The following ZNF417 variants were observed in gnomAD, a reference collection of about 807,000 sequenced individuals.
ZNF417 encodes zinc finger protein 417.
A neutral mutation model predicts 7.4 loss-of-function variants in ZNF417; 5 were observed. The ratio of observed to expected loss-of-function variants is 0.68; its 90% CI spans 0.35 to 1.43. ZNF417 has a LOEUF of 1.43. Among genes scored for constraint, ZNF417 ranks in the 40% most tolerant of loss-of-function variants. ZNF417 has a pLI of 0.04. For missense variants in ZNF417, 437 were observed against 697.3 expected, an observed-to-expected ratio of 0.63 and a Z score of 4.20; for synonymous variants, 147 against 239.1, an observed-to-expected ratio of 0.61 and a Z score of 3.55.
rs915324791 is a variant in ZNF417, at chr19:57,906,530, A to AG, written c.*2019dup. Among the ~76,000 whole-genome samples, 7 of 151,864 alleles carry AG rather than the reference A, an allele frequency of 4.6e-5. No individual in the cohort carries two copies. Among genetic ancestry groups the AG allele is most frequent in the South Asian group, 2.1e-4 (1 of 4,800 alleles). ...GTAATCCCAGCACTTTAGGAGGCTG[A>AG]GGGGGGTGGATCATGAGGTCACAAG... is the stretch of plus-strand genomic sequence containing the variant. On this transcript the variant is annotated 3_prime_UTR_variant, in exon 3 of 3. Transcript: ENST00000312026.
At chr19:57,913,660 T>A (rs185248743) in intron 1 of ZNF417, among the ~76,000 whole-genome samples, 1 of 152,346 alleles carries the variant, frequency 6.6e-6, no homozygotes, top group East Asian at 1.9e-4. Context: ...CTTACTCCTA[T>A]GCTTCTGCAT....
chr19:57,912,896 G>A (rs913172540), intron 1 of ZNF417, among the ~76,000 whole-genome samples: 1 of 152,012 alleles, frequency 6.6e-6, no homozygotes, highest in Non-Finnish European at 1.5e-5. Context: ...ACAGGGGTGG[G>A]TCACTGCACC....
intron 1 of ZNF417, chr19:57,915,415 C>T (rs60861531): frequency 0.27 from 101,358 of 374,018 alleles, 17,574 homozygotes; most frequent in African/African-American, 0.53. Flanking sequence ...CAGGTTCCAT[C>T]CTCCCGGCTC....
rs1051804722 is a variant in ZNF417 at position 57,906,419 on chromosome 19, T to C, written c.*2131A>G. Among the ~76,000 whole-genome samples, 1 of 152,004 alleles carries C rather than the reference T, an allele frequency of 6.6e-6. No homozygotes were observed. Among genetic ancestry groups the C allele is most frequent in the African/African-American group, 2.4e-5 (1 of 41,380 alleles). ...TTTGTAACTTACAATCTTATTCACA[T>C]TTCTCAAGTGCCATGCCTTTAGGTG... is the stretch of plus-strand genomic sequence containing the variant. On this transcript the variant is annotated 3_prime_UTR_variant, in exon 3 of 3. Transcript: ENST00000312026.
In ZNF417 at chr19:57,908,970, G is replaced by A; in HGVS notation, c.1308C>T (p.Tyr436=). ...ATAATTTCCCACATTCCCTACAATTGTAAGGTCTTTCCCCAGTGTGAAGTC... is the reference window on the plus strand; with the variant it reads ...ATAATTTCCCACATTCCCTACAATTATAAGGTCTTTCCCCAGTGTGAAGTC... The part of the protein sequence containing the change: ...HQRLHTGERP[Y]NCRECGKLFN... The change falls in exon 3 of 3, where the codon TAC becomes TAT. Residue 436 remains tyrosine (Y), a synonymous_variant. Transcript: ENST00000312026. 1 of 1,613,630 alleles carries A rather than the reference G, an allele frequency of 6.2e-7. No individual in the cohort carries two copies. The highest frequency in any genetic ancestry group is 8.5e-7 in the Non-Finnish European group (1 of 1,179,884).
rs1444798579 is a variant in ZNF417, at chr19:57,909,180, G to A, written c.1098C>T (p.Cys366=). Residue 366 remains cysteine (C), a synonymous_variant, in exon 3 of 3, where the codon TGC becomes TGT. Coordinates refer to ENST00000312026, the MANE Select transcript of ZNF417 (RefSeq NM_152475.3). ...ECGKSFRQKF[C]FINHQRVHTG... The stretch of plus-strand genomic sequence containing the variant: ...TGTGAACACGCTGATGGTTAATAAA[G>A]CAGAACTTCTGACGAAAAGATTTCC... The A allele has an allele frequency of 6.2e-7, 1 of 1,613,554 alleles. No homozygotes were observed. The highest frequency in any genetic ancestry group is 1.1e-5 in the South Asian group (1 of 91,074).
intron 1 of ZNF417, chr19:57,915,677 T>C (rs1422737070): frequency 1.0e-5 from 4 of 393,870 alleles, no homozygotes; most frequent in African/African-American, 2.1e-5. Context: ...TGAAACAAAA[T>C]TGATAATAGC....
intron 2 of ZNF417, among the ~76,000 whole-genome samples, chr19:57,911,437 G>C (rs1475544882): frequency 6.6e-6 from 1 of 152,170 alleles, no homozygotes; most frequent in Non-Finnish European, 1.5e-5. Context: ...GGCTCCCTTT[G>C]AGCCTATCGT....
At chr19:57,912,258 C>T (rs2071905798) in intron 1 of ZNF417, 69 bp from the exon 2 acceptor site, 1 of 1,598,462 alleles carries the variant, frequency 6.3e-7, no homozygotes, top group Non-Finnish European at 8.5e-7. Context: ...CTCTCCCACA[C>T]ACCCACACTT....
Position 57,908,329 on chromosome 19 carries a change from G to A in ZNF417, c.*221C>T, listed in dbSNP as rs2071855740. ...TGAGGTAGGAGAATCACTTGAACCT[G>A]GGAGGCCCAAGTTGCAGTGAGCCAA... On this transcript the variant is annotated 3_prime_UTR_variant, in exon 3 of 3. Transcript: ENST00000312026. 2 of 734,776 alleles carry A rather than the reference G, an allele frequency of 2.7e-6. No individual in the cohort carries two copies. Among genetic ancestry groups the A allele is most frequent in the South Asian group, 1.9e-5 (1 of 52,336 alleles). 45.5% of individuals were successfully genotyped at this position (734,776 alleles called of 1,614,324 possible). A position where few individuals can be genotyped will look rare whatever the true frequency, so the allele number is the denominator to read the frequency against.
chr19:57,908,407 G>T lies in ZNF417; in HGVS notation c.*143C>A, dbSNP rs1263035200. On this transcript the variant is annotated 3_prime_UTR_variant, in exon 3 of 3. Coordinates refer to ENST00000312026, the MANE Select transcript of ZNF417 (RefSeq NM_152475.3). ...TGACAGAATGAGACTCCGTTCCAAT[G>T]CGAAGTCTCTTAAGACCAAGGAGAG... is the stretch of plus-strand genomic sequence containing the variant. 2.5e-5 allele frequency: 36 copies of T among 1,453,976 alleles called. No individual in the cohort carries two copies. The South Asian group carries it at 4.5e-4, about 18-fold the overall frequency. The allele number at this position is 1,453,976 out of a possible 1,614,324, so 90.1% of individuals were successfully genotyped here. A position where few individuals can be genotyped will look rare whatever the true frequency, so the allele number is the denominator to read the frequency against.
chr19:57,911,607 G>A (rs1386964191), intron 2 of ZNF417, among the ~76,000 whole-genome samples: 1 of 152,190 alleles, frequency 6.6e-6, no homozygotes, highest in African/African-American at 2.4e-5. Flanking sequence ...CCACAGGAGA[G>A]TAAGGTAAGT....
At chr19:57,913,980 T>A (rs1057400288) in intron 1 of ZNF417, among the ~76,000 whole-genome samples, 6 of 152,172 alleles carry the variant, frequency 3.9e-5, no homozygotes, top group African/African-American at 1.4e-4. Context: ...AGATACCCCA[T>A]CCTGTATGTC....
rs1305761884 is a variant in ZNF417 at position 57,906,315 on chromosome 19, G to A, written c.*2235C>T. 6.6e-6 allele frequency among the ~76,000 whole-genome samples: 1 copy of A among 152,152 alleles called. No individual in the cohort carries two copies. The highest frequency in any genetic ancestry group is 1.9e-4 in the East Asian group (1 of 5,202). Reference sequence around the variant, plus strand: ...GTATCACTATTTCATGTATGTGCCTGTATGTGCTTATATAACATGCTGTAA... The same window carrying A: ...GTATCACTATTTCATGTATGTGCCTATATGTGCTTATATAACATGCTGTAA... On this transcript the variant is annotated 3_prime_UTR_variant, in exon 3 of 3. Coordinates refer to ENST00000312026, the MANE Select transcript of ZNF417 (RefSeq NM_152475.3).
intron 1 of ZNF417, 82 bp downstream of exon 1, chr19:57,916,297 G>A (rs184376112): frequency 0.026 from 41,684 of 1,608,414 alleles, 643 homozygotes; most frequent in Non-Finnish European, 0.028. Context: ...CTACAGACCC[G>A]TGAGCAGGAG....
chr19:57,912,250 C>G (rs2071905736), intron 1 of ZNF417, 61 bp from the exon 2 acceptor site: 1 of 1,605,566 alleles, frequency 6.2e-7, no homozygotes, highest in Non-Finnish European at 8.5e-7. Context: ...CAACCCACCT[C>G]TCCCACACAC....
Position 57,908,409 on chromosome 19 carries a change from G to T in ZNF417, c.*141C>A. The stretch of plus-strand genomic sequence containing the variant: ...ACAGAATGAGACTCCGTTCCAATGC[G>T]AAGTCTCTTAAGACCAAGGAGAGCA... On this transcript the variant is annotated 3_prime_UTR_variant, in exon 3 of 3. Coordinates refer to ENST00000312026, the MANE Select transcript of ZNF417 (RefSeq NM_152475.3). 1 of 1,474,818 alleles carries T rather than the reference G, an allele frequency of 6.8e-7. No homozygotes were observed. The highest frequency in any genetic ancestry group is 1.3e-5 in the South Asian group (1 of 77,814). 91.4% of individuals were successfully genotyped at this position (1,474,818 alleles called of 1,614,324 possible).
rs772581785 is a variant in ZNF417, at chr19:57,912,133, A to G, written c.90T>C (p.Cys30=). Residue 30 remains cysteine (C), a synonymous_variant, in exon 2 of 3, where the codon TGT becomes TGC. Transcript: ENST00000312026. ...AGCACCTCTGAGCCTCACTAAGAAG[A>G]CACCACTCCTCCTGGGAAAAGTTCA... ...VAVNFSQEEW[C]LLSEAQRCLY... is the part of the protein sequence containing the mutation. 1.2e-6 allele frequency: 2 copies of G among 1,612,834 alleles called. No homozygotes were observed. The highest frequency in any genetic ancestry group is 2.2e-5 in the South Asian group (2 of 90,932).
chr19:57,914,246 G>A (rs1268611129), intron 1 of ZNF417, among the ~76,000 whole-genome samples: 2 of 152,036 alleles, frequency 1.3e-5, no homozygotes, highest in African/African-American at 4.8e-5. Context: ...AGCACTTTGG[G>A]AGGCTGAGGC....
Sources: allele counts gnomAD v4.1 joint callset (sites outside exome capture counted in the v4.1 genomes callset), GRCh38; gene constraint gnomAD v4.1.1; transcripts MANE v1.5; gene names NCBI Gene and HGNC (gene_info 2026-07-23, HGNC 2026-07-21).